The following RAET1E variants were observed in gnomAD, a reference collection of about 807,000 sequenced individuals.
RAET1E encodes retinoic acid early transcript 1E.
In RAET1E, 27 loss-of-function variants were observed where a neutral mutation model predicts 21.1. The observed-to-expected ratio is 1.28, with a 90% CI of 0.94 to 1.76. The LOEUF (loss-of-function observed/expected upper bound fraction) is 1.76, where lower values mean the gene tolerates loss of function less well. Among genes scored for constraint, RAET1E ranks in the 40% most tolerant of loss-of-function variants. The pLI is 0.00. For missense variants in RAET1E, 310 were observed against 311.3 expected, an observed-to-expected ratio of 1.00 and a Z score of 0.03; for synonymous variants, 113 against 115.0, an observed-to-expected ratio of 0.98 and a Z score of 0.11.
At position 149,884,599 on chromosome 6, in the gene RAET1E, T is replaced by TCC; in HGVS notation, c.*3898_*3899insGG. 9.3e-7 allele frequency: 1 copy of TCC among 1,073,998 alleles called. No homozygotes were observed. The highest frequency in any genetic ancestry group is 1.4e-6 in the Non-Finnish European group (1 of 728,812). 66.5% of individuals were successfully genotyped at this position (1,073,998 alleles called of 1,614,324 possible). A position where few individuals can be genotyped will look rare whatever the true frequency, so the allele number is the denominator to read the frequency against. On this transcript the variant is annotated 3_prime_UTR_variant, in exon 6 of 6. Transcript: ENST00000357183. The stretch of plus-strand genomic sequence containing the variant: ...TCTCAGGACTCAGATCCCACCTCTC[T>TCC]CTCAGGGAGAGATCAGCCGCTATTG...
rs1433519981 is a variant in RAET1E, at chr6:149,888,715, A to T, written c.623-48T>A. 6 of 1,048,050 alleles carry T rather than the reference A, an allele frequency of 5.7e-6. No individual in the cohort carries two copies. In the Admixed American group the frequency reaches 1.3e-4, roughly 22 times the overall value. 64.9% of individuals were successfully genotyped at this position (1,048,050 alleles called of 1,614,324 possible). On this transcript the variant is annotated intron_variant, in intron 5 of 5. Transcript: ENST00000357183. ...AAAAAAGCACAAGCCCTGTCACATAAAAAAAAAAAGCATAAAAATATGCTT... is the reference window on the plus strand; with the variant it reads ...AAAAAAGCACAAGCCCTGTCACATATAAAAAAAAAGCATAAAAATATGCTT...
chr6:149,890,946 C>A lies in RAET1E; in HGVS notation c.-45G>T, dbSNP rs780613931. The A allele has an allele frequency of 1.5e-6, 2 of 1,315,906 alleles. No homozygotes were observed. The highest frequency in any genetic ancestry group is 3.4e-5 in the Admixed American group (2 of 59,148). 81.5% of individuals were successfully genotyped at this position (1,315,906 alleles called of 1,614,324 possible). ...AGGAAGCTGGGCGTGTACACATTCA[C>A]CCTCACTGGTATGGTGAAGAAATGT... On this transcript the variant is annotated 5_prime_UTR_variant, in exon 3 of 6. Transcript: ENST00000357183.
chr6:149,890,897 C>T lies in RAET1E; in HGVS notation c.5G>A (p.Arg2Gln), dbSNP rs761158669. Residue 2 changes from arginine to glutamine, a missense_variant, in exon 3 of 6, where the codon CGA becomes CAA. Physicochemically the swap from Arg to Gln is conservative, Grantham distance 43. Coordinates refer to ENST00000357183, the MANE Select transcript of RAET1E (RefSeq NM_001394057.1). MRRISLTSSPVR... is the reference protein window; with the variant it reads MQRISLTSSPVR... ...AGGGCTAGAAGTCAGGGATATTCTT[C>T]GCATACTGTGGAGAGTAACAGGCAG... is the stretch of plus-strand genomic sequence containing the variant. The T allele has an allele frequency of 6.8e-6, 11 of 1,610,094 alleles. No homozygotes were observed. The highest frequency in any genetic ancestry group is 1.3e-5 in the African/African-American group (1 of 74,740).
chr6:149,889,889 G>A lies in RAET1E; in HGVS notation c.342C>T (p.Thr114=). ...CCCACCCCATTCCACACTTACCACT[G>A]GTCTTTATCTGGGGTTTGATGTCAC... ...LLCDIKPQIK[T]SDPSTLQVEM... The change falls in exon 4 of 6, where the codon ACC becomes ACT. Residue 114 remains threonine, a synonymous_variant. Transcript: ENST00000357183. 1 of 1,613,092 alleles carries A rather than the reference G, an allele frequency of 6.2e-7. No individual in the cohort carries two copies.
rs1365087851 is a variant in RAET1E, at chr6:149,884,543, A to C, written c.*3955T>G. 1 of 1,533,272 alleles carries C rather than the reference A, an allele frequency of 6.5e-7. No homozygotes were observed. The highest frequency in any genetic ancestry group is 8.7e-7 in the Non-Finnish European group (1 of 1,144,324). 95.0% of individuals were successfully genotyped at this position (1,533,272 alleles called of 1,614,324 possible). A position where few individuals can be genotyped will look rare whatever the true frequency, so the allele number is the denominator to read the frequency against. ...ACAAAAGAGTGCAGAACCCTGGGTC[A>C]GATCAGCTCAGGATTGACCCCTCCG... is the stretch of plus-strand genomic sequence containing the variant. On this transcript the variant is annotated 3_prime_UTR_variant, in exon 6 of 6. Coordinates refer to ENST00000357183, the MANE Select transcript of RAET1E (RefSeq NM_001394057.1).
chr6:149,884,390 G>A lies in RAET1E; in HGVS notation c.*4108C>T, dbSNP rs1777519252. 2.7e-6 allele frequency: 3 copies of A among 1,124,604 alleles called. No individual in the cohort carries two copies. The African/African-American group carries it at 4.6e-5, about 17-fold the overall frequency. 69.7% of individuals were successfully genotyped at this position (1,124,604 alleles called of 1,614,324 possible). ...GCGATCTCCGCTCATTGCAGGCTCC[G>A]CCTCCACTTGACTCAGGGAACACAC... On this transcript the variant is annotated 3_prime_UTR_variant, in exon 6 of 6. Coordinates refer to ENST00000357183, the MANE Select transcript of RAET1E (RefSeq NM_001394057.1).
chr6:149,887,574 C>T lies in RAET1E; in HGVS notation c.*924G>A, dbSNP rs1047808080. Among the ~76,000 whole-genome samples the T allele has an allele frequency of 2.6e-5, 4 of 152,118 alleles. No individual in the cohort carries two copies. The highest frequency in any genetic ancestry group is 1.9e-4 in the East Asian group (1 of 5,198). On this transcript the variant is annotated 3_prime_UTR_variant, in exon 6 of 6. Transcript: ENST00000357183. ...AGACACATATCTGAGTCATGGTATT[C>T]GTTTAAGCAATGAAAAGGGTAGAAT...
intron 2 of RAET1E, chr6:149,895,603 A>G (rs1562469887): frequency 6.6e-6 from 1 of 152,256 alleles, no homozygotes; most frequent in Non-Finnish European, 1.5e-5. Flanking sequence ...AGCCAAGTCT[A>G]TCATTGGGAA....
rs1777500884 is a variant in RAET1E, at chr6:149,883,913, A to G, written c.*4585T>C. Reference sequence around the variant, plus strand: ...GCAGAAAACTGCCTCACAAATGATTATACTACCTCTCAAATAATTTCCAAC... The same window carrying G: ...GCAGAAAACTGCCTCACAAATGATTGTACTACCTCTCAAATAATTTCCAAC... On this transcript the variant is annotated 3_prime_UTR_variant, in exon 6 of 6. Transcript: ENST00000357183. 1 of 153,286 alleles carries G rather than the reference A, an allele frequency of 6.5e-6. No individual in the cohort carries two copies. The highest frequency in any genetic ancestry group is 1.5e-5 in the Non-Finnish European group (1 of 68,816). The allele number at this position is 153,286 out of a possible 1,614,324, so 9.5% of individuals were successfully genotyped here. A position where few individuals can be genotyped will look rare whatever the true frequency, so the allele number is the denominator to read the frequency against.
chr6:149,890,948 C>G lies in RAET1E; in HGVS notation c.-47G>C, dbSNP rs1232096879. The G allele has an allele frequency of 2.3e-6, 3 of 1,295,268 alleles. No homozygotes were observed. The highest frequency in any genetic ancestry group is 2.4e-5 in the South Asian group (2 of 83,314). The allele number at this position is 1,295,268 out of a possible 1,614,324, so 80.2% of individuals were successfully genotyped here. Reference sequence around the variant, plus strand: ...GAAGCTGGGCGTGTACACATTCACCCTCACTGGTATGGTGAAGAAATGTTA... The same window carrying G: ...GAAGCTGGGCGTGTACACATTCACCGTCACTGGTATGGTGAAGAAATGTTA... On this transcript the variant is annotated 5_prime_UTR_variant, in exon 3 of 6. Transcript: ENST00000357183.
chr6:149,889,111 T>G (rs1247736823), intron 5 of RAET1E: 1 of 1,424,550 alleles, frequency 7.0e-7, no homozygotes, highest in Non-Finnish European at 9.1e-7. Context: ...AGTGGGTCAT[T>G]GTGACTGGAT....
At chr6:149,889,052 GA>G (rs1396782763) in intron 5 of RAET1E, 140 of 1,352,394 alleles carry the variant, frequency 1.0e-4, no homozygotes, top group Non-Finnish European at 1.3e-4. Flanking sequence ...TAGAGGAAGA[GA>G]AGGCCTGGAT....
At position 149,890,800 on chromosome 6, in the gene RAET1E, G is replaced by A. The variant is rs754166556; in HGVS notation, c.85+17C>T. 2 of 1,582,038 alleles carry A rather than the reference G, an allele frequency of 1.3e-6. No individual in the cohort carries two copies. The highest frequency in any genetic ancestry group is 2.7e-5 in the African/African-American group (2 of 74,088). On this transcript the variant is annotated intron_variant, in intron 3 of 5. Coordinates refer to ENST00000357183, the MANE Select transcript of RAET1E (RefSeq NM_001394057.1). ...TCCTCCTTGTCCTCAGCCAGTTCTT[G>A]TGCTCAGGACACTCACCAACCATGA...
At position 149,887,003 on chromosome 6, in the gene RAET1E, C is replaced by T. The variant is rs1203860770; in HGVS notation, c.*1495G>A. ...TTTTTTCCCCTTGAATTGTAATACA[C>T]CTTTCCCCAGGCCCACTCTGCCTCC... On this transcript the variant is annotated 3_prime_UTR_variant, in exon 6 of 6. Transcript: ENST00000357183. Among the ~76,000 whole-genome samples, 1 of 152,174 alleles carries T rather than the reference C, an allele frequency of 6.6e-6. No individual in the cohort carries two copies. The highest frequency in any genetic ancestry group is 1.5e-5 in the Non-Finnish European group (1 of 68,026).
In RAET1E at chr6:149,888,572, C is replaced by T; in HGVS notation, c.718G>A (p.Gly240Arg). 3 of 1,613,046 alleles carry T rather than the reference C, an allele frequency of 1.9e-6. No homozygotes were observed. Among genetic ancestry groups the T allele is most frequent in the Non-Finnish European group, 2.5e-6 (3 of 1,179,840 alleles). ...LGAFILLVLM[G>R]IVLICVWWQN... ...CACCAGACACAGATGAGAACAATTC[C>T]CATTAAAACTAACAGGATGAATGCC... Residue 240 changes from glycine (G) to arginine (R), a missense_variant, in exon 6 of 6, where the codon GGA becomes AGA. Gly to Arg is a moderately radical substitution (Grantham distance 125). Transcript: ENST00000357183.
chr6:149,885,321 A>ACAGTC lies in RAET1E; in HGVS notation c.*3172_*3176dup. Among the ~76,000 whole-genome samples the ACAGTC allele has an allele frequency of 6.6e-6, 1 of 152,198 alleles. No individual in the cohort carries two copies. Among genetic ancestry groups the ACAGTC allele is most frequent in the Admixed American group, 6.5e-5 (1 of 15,282 alleles). ...CTCAGGGCCCACTTGCAAAGCAGAG[A>ACAGTC]CAGTCCCCGAGACTCATTCAGCCTT... On this transcript the variant is annotated 3_prime_UTR_variant, in exon 6 of 6. Coordinates refer to ENST00000357183, the MANE Select transcript of RAET1E (RefSeq NM_001394057.1).
intron 4 of RAET1E, 96 bp from the exon 5 acceptor site, chr6:149,889,719 A>T (rs1777790859): frequency 2.0e-5 from 31 of 1,520,842 alleles, no homozygotes; most frequent in Non-Finnish European, 2.6e-5. Flanking sequence ...AGGGGTCTGT[A>T]TTCTTTCTGC....
At position 149,888,260 on chromosome 6, in the gene RAET1E, G is replaced by C. The variant is rs1462028358; in HGVS notation, c.*238C>G. ...TCCGTCAAAGAGCTGGATGAAACCTGGGCCGGATGGCAAGGAGACAACACC... is the reference window on the plus strand; with the variant it reads ...TCCGTCAAAGAGCTGGATGAAACCTCGGCCGGATGGCAAGGAGACAACACC... On this transcript the variant is annotated 3_prime_UTR_variant, in exon 6 of 6. Coordinates refer to ENST00000357183, the MANE Select transcript of RAET1E (RefSeq NM_001394057.1). The C allele has an allele frequency of 1.4e-6, 1 of 705,506 alleles. No homozygotes were observed. The allele number at this position is 705,506 out of a possible 1,614,324, so 43.7% of individuals were successfully genotyped here. A position where few individuals can be genotyped will look rare whatever the true frequency, so the allele number is the denominator to read the frequency against.
At position 149,886,389 on chromosome 6, in the gene RAET1E, GATTT is replaced by G. The variant is rs759057829; in HGVS notation, c.*2105_*2108del. Among the ~76,000 whole-genome samples, 2 of 152,122 alleles carry G rather than the reference GATTT, an allele frequency of 1.3e-5. No individual in the cohort carries two copies. Among genetic ancestry groups the G allele is most frequent in the African/African-American group, 2.4e-5 (1 of 41,506 alleles). On this transcript the variant is annotated 3_prime_UTR_variant, in exon 6 of 6. Coordinates refer to ENST00000357183, the MANE Select transcript of RAET1E (RefSeq NM_001394057.1). ...GATTTTAACCCTTTACATATGTTGA[GATTT>G]ATTTATTTATTTATTTATTGAGATG...
Sources: gnomAD v4.1 joint callset for allele counts (sites outside exome capture counted in the v4.1 genomes callset) on GRCh38, gnomAD v4.1.1 for gene constraint, MANE v1.5 for transcripts, NCBI Gene and HGNC (gene_info 2026-07-23, HGNC 2026-07-21) for gene names.